Variants in TMEFF2 observed in about 807,000 individuals in gnomAD.
TMEFF2 encodes tomoregulin-2.
In TMEFF2, 28 loss-of-function variants were observed where a neutral mutation model predicts 53.8. The ratio of observed to expected loss-of-function variants is 0.52; its 90% CI spans 0.39 to 0.71. TMEFF2 has a LOEUF of 0.71. TMEFF2 is among the 30% of genes least tolerant of loss of function. The probability of loss-of-function intolerance (pLI) is 0.00; values close to 1 mark genes in which losing one functional copy is unlikely to be tolerated. For synonymous variants in TMEFF2, 162 were observed against 166.3 expected, an observed-to-expected ratio of 0.97 and a Z score of 0.20; for missense variants, 353 against 455.2, an observed-to-expected ratio of 0.78 and a Z score of 2.04.
chr2:191,964,007 T>A (rs1296509336), intron 7 of TMEFF2, among the ~76,000 whole-genome samples: 1 of 152,198 alleles, frequency 6.6e-6, no homozygotes, highest in African/African-American at 2.4e-5. Context: ...TTTACACAAC[T>A]TGTAAACAGA....
At chr2:192,070,028 A>G (rs372860644) in intron 4 of TMEFF2, among the ~76,000 whole-genome samples, 60,235 of 123,850 alleles carry the variant, frequency 0.49, 15,149 homozygotes, top group East Asian at 0.64. Flanking sequence ...ATATATATAT[A>G]TATATATATA....
intron 5 of TMEFF2, among the ~76,000 whole-genome samples, chr2:192,055,637 T>C (rs1442811490): frequency 6.6e-6 from 1 of 151,730 alleles, no homozygotes; most frequent in Non-Finnish European, 1.5e-5. Flanking sequence ...TAGCCGGGCA[T>C]GGTGGTGCGC....
intron 5 of TMEFF2, among the ~76,000 whole-genome samples, chr2:192,000,963 A>G (rs145167198): frequency 2.9e-3 from 445 of 152,286 alleles, no homozygotes; most frequent in Admixed American, 5.8e-3. Context: ...ACCTCAGCTG[A>G]TTCTTGGCAT....
At chr2:192,033,663 A>T (rs948564568) in intron 5 of TMEFF2, among the ~76,000 whole-genome samples, 10 of 151,950 alleles carry the variant, frequency 6.6e-5, no homozygotes, top group African/African-American at 2.4e-4. Flanking sequence ...ATTAAATATG[A>T]CCAGGAGGAC....
At chr2:192,015,417 T>C (rs538486294) in intron 5 of TMEFF2, among the ~76,000 whole-genome samples, 32 of 150,600 alleles carry the variant, frequency 2.1e-4, no homozygotes, top group African/African-American at 7.6e-4. Flanking sequence ...ATCTGCGATA[T>C]GTGTGCCCCT....
In TMEFF2 at chr2:191,953,971, T is replaced by C. The variant is rs141946280; in HGVS notation, c.870-134A>G. On this transcript the variant is annotated intron_variant, in intron 8 of 9. Transcript: ENST00000272771. ...GTGGCGCATCTCGGCTCACTGCAAG[T>C]TCCGCCTCCGGGTTCACGCCATTCT... The C allele has an allele frequency of 1.6e-3, 1,148 of 728,008 alleles. 14 individuals carry two copies. In the African/African-American group the frequency reaches 0.018, roughly 12 times the overall value. 45.1% of individuals were successfully genotyped at this position (728,008 alleles called of 1,614,324 possible).
intron 5 of TMEFF2, among the ~76,000 whole-genome samples, chr2:192,024,003 G>C (rs909015988): frequency 6.6e-6 from 1 of 152,098 alleles, no homozygotes; most frequent in Non-Finnish European, 1.5e-5. Context: ...GACAGTTTGG[G>C]GATGAATGTG....
chr2:192,190,647 G>A (rs1244857101), intron 2 of TMEFF2, among the ~76,000 whole-genome samples: 2 of 152,120 alleles, frequency 1.3e-5, no homozygotes, highest in East Asian at 3.8e-4. Context: ...AGGAGGTGGT[G>A]CACTTTACAA....
intron 4 of TMEFF2, among the ~76,000 whole-genome samples, chr2:192,159,700 T>C (rs1690588305): frequency 6.6e-6 from 1 of 152,164 alleles, no homozygotes; most frequent in Non-Finnish European, 1.5e-5. Flanking sequence ...TTCTAGATAA[T>C]TAAACAGTCT....
chr2:192,093,999 C>CT (rs1188390020), intron 4 of TMEFF2, among the ~76,000 whole-genome samples: 17 of 152,082 alleles, frequency 1.1e-4, no homozygotes, highest in African/African-American at 3.1e-4. Context: ...GTTGTGTTTT[C>CT]TCACGCCTGT....
At chr2:191,950,873 A>G (rs1272715603) in intron 9 of TMEFF2, among the ~76,000 whole-genome samples, 3 of 152,218 alleles carry the variant, frequency 2.0e-5, no homozygotes, top group Non-Finnish European at 2.9e-5. Context: ...GGAAAGGAAT[A>G]TTGTTTTGGA....
chr2:192,028,131 A>G (rs528861734), intron 5 of TMEFF2, among the ~76,000 whole-genome samples: 1 of 151,760 alleles, frequency 6.6e-6, no homozygotes, highest in Admixed American at 6.6e-5. Context: ...TGGTTTTAAA[A>G]ATGGAAGTTT....
chr2:192,028,898 C>G (rs1687044020), intron 5 of TMEFF2: 1 of 152,018 alleles, frequency 6.6e-6, no homozygotes, highest in Admixed American at 6.6e-5. Context: ...CCTTTCTCTA[C>G]TCAGAATGAC....
intron 7 of TMEFF2, among the ~76,000 whole-genome samples, chr2:191,964,382 CTTTCTTTCTTTCTTTCTCTTTCTTTCTT>C (rs1559063615): frequency 4.7e-4 from 13 of 27,556 alleles, no homozygotes; most frequent in Admixed American, 1.3e-3. Flanking sequence ...CTCTTTCTTT[CTTTCTTTCTTTCTTTCTCTTTCTTTCTT>C]TCTTTCTTTC....
At chr2:192,122,952 C>A (rs990111870) in intron 4 of TMEFF2, among the ~76,000 whole-genome samples, 3 of 152,054 alleles carry the variant, frequency 2.0e-5, no homozygotes, top group African/African-American at 7.2e-5. Flanking sequence ...GTAATAATAA[C>A]AAGGCACACA....
At chr2:191,993,783 A>T (rs2105829188) in intron 7 of TMEFF2, among the ~76,000 whole-genome samples, 1 of 152,148 alleles carries the variant, frequency 6.6e-6, no homozygotes, top group African/African-American at 2.4e-5. Context: ...GTTGTCAAAA[A>T]TTGATTTTAA....
chr2:191,951,318 C>T (rs1377672018), intron 9 of TMEFF2, among the ~76,000 whole-genome samples: 1 of 119,506 alleles, frequency 8.4e-6, no homozygotes, highest in Non-Finnish European at 1.9e-5. Flanking sequence ...CTCAACAGGG[C>T]AACTCTTCAT....
intron 7 of TMEFF2, among the ~76,000 whole-genome samples, chr2:191,960,025 T>C (rs1010624334): frequency 6.6e-6 from 1 of 152,098 alleles, no homozygotes; most frequent in South Asian, 2.1e-4. Flanking sequence ...TATAGGCATG[T>C]GGGACTAGCT....
At chr2:192,185,052 G>C (rs765246869) in intron 2 of TMEFF2, among the ~76,000 whole-genome samples, 5 of 151,776 alleles carry the variant, frequency 3.3e-5, no homozygotes, top group African/African-American at 4.8e-5. Flanking sequence ...TTAGACTATT[G>C]TATATTGATG....
Sources: allele counts gnomAD v4.1 joint callset (sites outside exome capture counted in the v4.1 genomes callset), GRCh38; gene constraint gnomAD v4.1.1; transcripts MANE v1.5; gene names NCBI Gene and HGNC (gene_info 2026-07-23, HGNC 2026-07-21).